Variants in KHDRBS2 observed in about 807,000 individuals in gnomAD.
KHDRBS2 encodes the protein KH RNA binding domain containing, signal transduction associated 2.
Under a neutral mutation model 44.3 loss-of-function variants are expected in KHDRBS2, and 26 were observed. The ratio of observed to expected loss-of-function variants is 0.59; its 90% CI spans 0.43 to 0.81. The LOEUF is 0.81. KHDRBS2 is among the 40% of genes least tolerant of loss of function. KHDRBS2 has a pLI of 0.00. For synonymous variants in KHDRBS2, 194 were observed against 151.1 expected (o/e 1.28, Z -2.08); for missense variants, 476 against 433.1 (o/e 1.10, Z -0.88).
intron 4 of KHDRBS2, among the ~76,000 whole-genome samples, chr6:61,952,632 C>T (rs1352328552): frequency 2.0e-5 from 3 of 151,998 alleles, no homozygotes; most frequent in Non-Finnish European, 4.4e-5. Flanking sequence ...TCTATCTTCC[C>T]TTACTCCACT....
intron 1 of KHDRBS2, among the ~76,000 whole-genome samples, chr6:62,271,623 T>G (rs925612871): frequency 3.9e-5 from 6 of 152,084 alleles, no homozygotes; most frequent in Non-Finnish European, 7.4e-5. Context: ...GACCTCCCAG[T>G]AGGACAAGAT....
intron 6 of KHDRBS2, among the ~76,000 whole-genome samples, chr6:61,845,309 G>GTTTT (rs35774578): frequency 1.6e-5 from 2 of 125,812 alleles, no homozygotes; most frequent in African/African-American, 5.9e-5. Flanking sequence ...ACAGTTCCTT[G>GTTTT]TTTTTTTTTT....
At chr6:62,190,896 G>T (rs573928432) in intron 1 of KHDRBS2, among the ~76,000 whole-genome samples, 7 of 152,142 alleles carry the variant, frequency 4.6e-5, no homozygotes, top group African/African-American at 1.7e-4. Flanking sequence ...CTCATATGGA[G>T]CTTCTCCACT....
intron 4 of KHDRBS2, among the ~76,000 whole-genome samples, chr6:61,925,753 T>C (rs1431085273): frequency 6.6e-6 from 1 of 151,378 alleles, no homozygotes; most frequent in Admixed American, 6.6e-5. Context: ...AAATTTGTAG[T>C]TTTGTGGGGC....
chr6:62,233,705 G>A (rs377399717), intron 1 of KHDRBS2, among the ~76,000 whole-genome samples: 2 of 151,944 alleles, frequency 1.3e-5, no homozygotes, highest in African/African-American at 2.4e-5. Flanking sequence ...TGTTCTCATC[G>A]TTTAGCACCC....
intron 2 of KHDRBS2, among the ~76,000 whole-genome samples, chr6:62,161,800 A>T (rs549807045): frequency 3.3e-5 from 5 of 151,726 alleles, no homozygotes; most frequent in African/African-American, 9.7e-5. Context: ...TTCTATAGCT[A>T]TTTTCTTTGT....
intron 4 of KHDRBS2, among the ~76,000 whole-genome samples, chr6:61,975,816 G>T (rs1380017794): frequency 6.6e-6 from 1 of 152,136 alleles, no homozygotes. Context: ...TAGTAAGACT[G>T]CATGATAGAA....
intron 4 of KHDRBS2, among the ~76,000 whole-genome samples, chr6:61,929,752 A>T (rs914742596): frequency 6.6e-6 from 1 of 152,146 alleles, no homozygotes; most frequent in Non-Finnish European, 1.5e-5. Context: ...CTAAAAAGAG[A>T]TATTATTTTC....
intron 6 of KHDRBS2, among the ~76,000 whole-genome samples, chr6:61,859,369 C>T (rs1006528833): frequency 2.0e-5 from 3 of 151,768 alleles, no homozygotes; most frequent in Non-Finnish European, 4.4e-5. Flanking sequence ...GTTAAAATCA[C>T]TTTTAGGGTG....
At chr6:61,634,129 AACTT>A in the KHDRBS2 span, among the ~76,000 whole-genome samples, 1 of 151,978 alleles carries the variant, frequency 6.6e-6, no homozygotes, top group Non-Finnish European at 1.5e-5. Context: ...GTTCAATATA[AACTT>A]AAAATTATAT....
intron 6 of KHDRBS2, among the ~76,000 whole-genome samples, chr6:61,815,627 G>T (rs1051506063): frequency 2.0e-5 from 3 of 152,162 alleles, no homozygotes; most frequent in Non-Finnish European, 4.4e-5. Flanking sequence ...ATAATTCCAT[G>T]ACCTTGGAAA....
At chr6:62,133,410 CTT>C (rs1358173027) in intron 2 of KHDRBS2, among the ~76,000 whole-genome samples, 5 of 152,148 alleles carry the variant, frequency 3.3e-5, no homozygotes, top group African/African-American at 7.2e-5. Flanking sequence ...TAAAATGTGT[CTT>C]TTGCCTTCCA....
chr6:61,910,897 T>C (rs1392873288), intron 4 of KHDRBS2, among the ~76,000 whole-genome samples: 3 of 152,204 alleles, frequency 2.0e-5, no homozygotes, highest in Non-Finnish European at 2.9e-5. Flanking sequence ...TCTTGGCAAA[T>C]TATTGTACAC....
rs115236478 is a variant in KHDRBS2 at position 62,012,836 on chromosome 6, C to T, written c.337-34624G>A. ...GTAACATACATAGCACTACTCACAA[C>T]CTGAGGCATTTTCCTGTTTGCTTGC... On this transcript the variant is annotated intron_variant, in intron 3 of 8. Coordinates refer to ENST00000281156, the MANE Select transcript of KHDRBS2 (RefSeq NM_152688.4). Among the ~76,000 whole-genome samples the T allele has an allele frequency of 2.8e-3, 419 of 152,298 alleles. 3 individuals carry two copies. Among genetic ancestry groups the T allele is most frequent in the African/African-American group, 9.2e-3 (383 of 41,562 alleles).
chr6:61,592,486 C>T, the KHDRBS2 span, among the ~76,000 whole-genome samples: 5 of 152,066 alleles, frequency 3.3e-5, no homozygotes, highest in Non-Finnish European at 7.4e-5. Context: ...TGGTGGAGTT[C>T]ATCTTTCCTA....
chr6:61,770,806 C>T (rs1562133635), intron 6 of KHDRBS2, among the ~76,000 whole-genome samples: 1 of 152,052 alleles, frequency 6.6e-6, no homozygotes, highest in Non-Finnish European at 1.5e-5. Flanking sequence ...GCAAGGCAGG[C>T]CAACATTCAA....
chr6:62,132,363 T>C (rs1810525188), intron 2 of KHDRBS2, among the ~76,000 whole-genome samples: 1 of 152,172 alleles, frequency 6.6e-6, no homozygotes, highest in South Asian at 2.1e-4. Context: ...TATGGTTCCT[T>C]GACCAAGCAC....
intron 1 of KHDRBS2, among the ~76,000 whole-genome samples, chr6:62,230,454 C>A (rs558491529): frequency 6.6e-6 from 1 of 152,140 alleles, no homozygotes; most frequent in East Asian, 1.9e-4. Flanking sequence ...TATAATAGGG[C>A]AATGACCTTC....
intron 1 of KHDRBS2, among the ~76,000 whole-genome samples, chr6:62,217,106 T>C (rs1464237764): frequency 6.6e-6 from 1 of 151,504 alleles, no homozygotes; most frequent in Non-Finnish European, 1.5e-5. Context: ...TGTTACATTA[T>C]TATTTATTTC....
Sources: allele counts gnomAD v4.1 joint callset (sites outside exome capture counted in the v4.1 genomes callset), GRCh38; gene constraint gnomAD v4.1.1; transcripts MANE v1.5; gene names NCBI Gene and HGNC (gene_info 2026-07-23, HGNC 2026-07-21).